WWOX: variants seen among roughly 807,000 people sequenced by gnomAD.
The protein encoded by WWOX is WW domain-containing oxidoreductase.
A neutral mutation model predicts 46.2 loss-of-function variants in WWOX; 69 were observed. That is an observed-to-expected ratio of 1.49 (90% confidence interval 1.23 to 1.82). WWOX has a LOEUF of 1.82. Ranked by LOEUF, WWOX falls within the 40% of genes most tolerant of loss-of-function variation. The pLI, the probability that WWOX is intolerant of heterozygous loss-of-function variation, is 0.00. For synonymous variants in WWOX, 359 were observed against 202.6 expected, an observed-to-expected ratio of 1.77 and a Z score of -6.56; for missense variants, 919 against 542.6, an observed-to-expected ratio of 1.69 and a Z score of -6.89.
intron 8 of WWOX, chr16:79,204,247 T>G (rs1414785380): frequency 6.6e-6 from 1 of 152,166 alleles, no homozygotes; most frequent in African/African-American, 2.4e-5. Context: ...TCCATGGATA[T>G]AAGACATCAT....
At chr16:78,708,073 C>G (rs2048361820) in intron 8 of WWOX, among the ~76,000 whole-genome samples, 1 of 151,930 alleles carries the variant, frequency 6.6e-6, no homozygotes. Context: ...CACTTATAAT[C>G]CCAGCACCTT....
chr16:78,315,065 T>G (rs945659237), intron 5 of WWOX, among the ~76,000 whole-genome samples: 13 of 152,326 alleles, frequency 8.5e-5, no homozygotes, highest in African/African-American at 2.6e-4. Flanking sequence ...ATCAATCATC[T>G]ATCATCTAGC....
intron 3 of WWOX, 47 bp from the exon 4 acceptor site, chr16:78,114,929 A>G (rs2032695668): frequency 6.2e-7 from 1 of 1,612,130 alleles, no homozygotes; most frequent in Non-Finnish European, 8.5e-7. Flanking sequence ...ATATTTATAA[A>G]TGCCTGTGTT....
intron 8 of WWOX, among the ~76,000 whole-genome samples, chr16:79,071,416 C>T (rs1409867770): frequency 6.6e-6 from 1 of 152,100 alleles, no homozygotes; most frequent in African/African-American, 2.4e-5. Context: ...GCGTTTCTTC[C>T]CCCCTCATCT....
chr16:79,119,834 C>A (rs1238960925), intron 8 of WWOX, among the ~76,000 whole-genome samples: 1 of 152,148 alleles, frequency 6.6e-6, no homozygotes, highest in Non-Finnish European at 1.5e-5. Flanking sequence ...AGAGAAGAGA[C>A]CCAGAGCCAG....
chr16:78,940,342 A>C (rs1483307062), intron 8 of WWOX, among the ~76,000 whole-genome samples: 1 of 152,232 alleles, frequency 6.6e-6, no homozygotes, highest in Non-Finnish European at 1.5e-5. Context: ...AAGAAGAAAA[A>C]TAAATATGCA....
intron 8 of WWOX, among the ~76,000 whole-genome samples, chr16:78,646,240 G>A (rs891733839): frequency 3.3e-5 from 5 of 151,930 alleles, no homozygotes; most frequent in African/African-American, 9.7e-5. Context: ...GGCTGATCTC[G>A]GACTCCTGGG....
At chr16:79,015,834 C>T (rs1016299503) in intron 8 of WWOX, among the ~76,000 whole-genome samples, 1 of 152,168 alleles carries the variant, frequency 6.6e-6, no homozygotes, top group African/African-American at 2.4e-5. Context: ...TCACTGCAAC[C>T]CCCGCCTCCC....
chr16:79,069,447 G>A (rs2048507281), intron 8 of WWOX, among the ~76,000 whole-genome samples: 1 of 151,904 alleles, frequency 6.6e-6, no homozygotes, highest in East Asian at 1.9e-4. Context: ...TCTCTGTCTT[G>A]TTCACACGTT....
intron 8 of WWOX, among the ~76,000 whole-genome samples, chr16:79,101,988 T>G (rs1433211882): frequency 7.0e-6 from 1 of 141,884 alleles, no homozygotes; most frequent in African/African-American, 2.6e-5. Context: ...TCAAGCTGCA[T>G]CATCTTCCTC....
At chr16:78,583,069 G>A (rs1033030775) in intron 8 of WWOX, among the ~76,000 whole-genome samples, 1 of 152,318 alleles carries the variant, frequency 6.6e-6, no homozygotes, top group African/African-American at 2.4e-5. Context: ...TCCCTTCTCC[G>A]AGCAGAGCTC....
intron 8 of WWOX, among the ~76,000 whole-genome samples, chr16:78,797,023 A>G (rs543860989): frequency 9.7e-4 from 147 of 151,948 alleles, no homozygotes; most frequent in Middle Eastern, 6.8e-3. Flanking sequence ...CCGGGGTTTC[A>G]CCATGTTGGC....
At chr16:78,315,854 A>C (rs1319173146) in intron 5 of WWOX, among the ~76,000 whole-genome samples, 2 of 152,092 alleles carry the variant, frequency 1.3e-5, no homozygotes, top group African/African-American at 4.8e-5. Flanking sequence ...AAGAAAAATC[A>C]CCAAAAATTC....
chr16:78,704,966 G>T (rs953870635), intron 8 of WWOX, among the ~76,000 whole-genome samples: 1 of 150,406 alleles, frequency 6.6e-6, no homozygotes, highest in African/African-American at 2.5e-5. Context: ...ACCAGCGACA[G>T]TCTTGGTTTT....
intron 5 of WWOX, among the ~76,000 whole-genome samples, chr16:78,328,393 C>T: frequency 6.6e-6 from 1 of 152,104 alleles, no homozygotes; most frequent in East Asian, 1.9e-4. Context: ...ATTTAGAATC[C>T]TTCAACACAT....
intron 8 of WWOX, among the ~76,000 whole-genome samples, chr16:78,497,737 C>T (rs1214798357): frequency 6.6e-6 from 1 of 152,048 alleles, no homozygotes; most frequent in Non-Finnish European, 1.5e-5. Context: ...CTCAGCAGGA[C>T]ATTACAGGGA....
At chr16:78,769,385 T>C (rs1325651321) in intron 8 of WWOX, among the ~76,000 whole-genome samples, 1 of 152,090 alleles carries the variant, frequency 6.6e-6, no homozygotes, top group Non-Finnish European at 1.5e-5. Flanking sequence ...CCTTCCTTCC[T>C]ATCCAGTGCT....
intron 5 of WWOX, among the ~76,000 whole-genome samples, chr16:78,337,861 C>A (rs2080929419): frequency 8.9e-6 from 1 of 112,218 alleles, no homozygotes; most frequent in African/African-American, 3.0e-5. Context: ...AGCCGTGTGA[C>A]CTCAGTGGTA....
intron 8 of WWOX, among the ~76,000 whole-genome samples, chr16:78,669,815 T>C (rs1214246135): frequency 6.6e-6 from 1 of 152,206 alleles, no homozygotes; most frequent in Non-Finnish European, 1.5e-5. Flanking sequence ...CTCAGAAGAC[T>C]TCATTATTCA....
Sources: allele counts gnomAD v4.1 joint callset (sites outside exome capture counted in the v4.1 genomes callset), GRCh38; gene constraint gnomAD v4.1.1; transcripts MANE v1.5; gene names NCBI Gene and HGNC (gene_info 2026-07-23, HGNC 2026-07-21).